The following UIMC1 variants were observed in gnomAD, a reference collection of about 807,000 sequenced individuals.
UIMC1 encodes BRCA1-A complex subunit RAP80.
A neutral mutation model predicts 84.9 loss-of-function variants in UIMC1; 42 were observed. The ratio of observed to expected loss-of-function variants is 0.49; its 90% CI spans 0.39 to 0.64. UIMC1 has a LOEUF of 0.64. UIMC1 is among the 30% of genes least tolerant of loss of function. UIMC1 has a pLI of 0.00. For missense variants in UIMC1, 825 were observed against 847.6 expected (o/e 0.97, Z 0.33); for synonymous variants, 281 against 293.0 (o/e 0.96, Z 0.42).
rs1157676106 is a variant in UIMC1 at position 176,951,382 on chromosome 5, T to C, written c.1443+92A>G. 3 of 1,006,716 alleles carry C rather than the reference T, an allele frequency of 3.0e-6. No individual in the cohort carries two copies. In the East Asian group the frequency reaches 8.5e-5, roughly 29 times the overall value. The allele number at this position is 1,006,716 out of a possible 1,614,324, so 62.4% of individuals were successfully genotyped here. On this transcript the variant is annotated intron_variant, in intron 9 of 14. Coordinates refer to ENST00000511320, the MANE Select transcript of UIMC1 (RefSeq NM_001199298.2). Reference sequence around the variant, plus strand: ...CCCAAAACTAAAACCCCCTGCCACCTAAATCTTTTCAGCCAATGTCAACGT... The same window carrying C: ...CCCAAAACTAAAACCCCCTGCCACCCAAATCTTTTCAGCCAATGTCAACGT...
At chr5:177,003,138 C>T (rs1774778711) in intron 1 of UIMC1, among the ~76,000 whole-genome samples, 2 of 152,042 alleles carry the variant, frequency 1.3e-5, no homozygotes, top group Non-Finnish European at 2.9e-5. Context: ...CCACGAAGCA[C>T]TTTATCAACT....
chr5:176,979,568 A>G (rs1298669007), intron 2 of UIMC1, among the ~76,000 whole-genome samples: 3 of 150,526 alleles, frequency 2.0e-5, no homozygotes, highest in African/African-American at 4.9e-5. Context: ...GCACCACTAC[A>G]CTCCAGCCTA....
At chr5:176,998,457 A>C in intron 1 of UIMC1, among the ~76,000 whole-genome samples, 1 of 65,148 alleles carries the variant, frequency 1.5e-5, no homozygotes, top group Non-Finnish European at 2.8e-5. Context: ...ACAGAGCAAG[A>C]CTCTGTCTCA....
intron 6 of UIMC1, among the ~76,000 whole-genome samples, chr5:176,966,310 C>T (rs1163720169): frequency 6.6e-6 from 1 of 152,150 alleles, no homozygotes; most frequent in African/African-American, 2.4e-5. Context: ...TTGTTATTCC[C>T]ACTGTATAGA....
In UIMC1 at chr5:176,998,915, T is replaced by C. The variant is rs1229493486; in HGVS notation, c.-9+7735A>G. 3.3e-5 allele frequency among the ~76,000 whole-genome samples: 5 copies of C among 152,284 alleles called. No homozygotes were observed. The East Asian group carries it at 7.7e-4, about 23-fold the overall frequency. On this transcript the variant is annotated intron_variant, in intron 1 of 14. Transcript: ENST00000511320. ...ATTTAAAAATAATGCTCAGGCTGGG[T>C]GCAGTGTCTCACGCCTGTAATTCCA...
exon 1 of UIMC1, chr5:177,022,584 G>T (rs867783317): frequency 4.0e-6 from 3 of 754,680 alleles, no homozygotes; most frequent in South Asian, 4.0e-5. Flanking sequence ...GGTACCAGAG[G>T]TAGCAAAGCA....
Position 176,947,878 on chromosome 5 carries a change from G to A in UIMC1, c.1443+3596C>T, listed in dbSNP as rs537931155. ...AAGAGGTACTTAGATACTGAATCTC[G>A]ACATCTTAAAGGTTGTTGGTCCTTA... On this transcript the variant is annotated intron_variant, in intron 9 of 14. Coordinates refer to ENST00000511320, the MANE Select transcript of UIMC1 (RefSeq NM_001199298.2). Among the ~76,000 whole-genome samples the A allele has an allele frequency of 6.6e-5, 10 of 150,378 alleles. No individual in the cohort carries two copies. In the South Asian group the frequency reaches 1.7e-3, roughly 25 times the overall value.
At position 176,906,061 on chromosome 5, in the gene UIMC1, G is replaced by A. The variant is rs763781339; in HGVS notation, c.1913-14C>T. The A allele has an allele frequency of 1.2e-6, 2 of 1,612,822 alleles. No homozygotes were observed. The highest frequency in any genetic ancestry group is 2.2e-5 in the East Asian group (1 of 44,866). On this transcript the variant is annotated splice_polypyrimidine_tract_variant and intron_variant, in intron 13 of 14. Coordinates refer to ENST00000511320, the MANE Select transcript of UIMC1 (RefSeq NM_001199298.2). Reference sequence around the variant, plus strand: ...TGATGTCTGCATCTGTGATATAAAAGAAAAAATAATAATGTTGGTAGTAGT... The same window carrying A: ...TGATGTCTGCATCTGTGATATAAAAAAAAAAATAATAATGTTGGTAGTAGT...
intron 6 of UIMC1, among the ~76,000 whole-genome samples, chr5:176,958,547 T>G (rs1766905674): frequency 6.6e-6 from 1 of 151,966 alleles, no homozygotes; most frequent in Non-Finnish European, 1.5e-5. Context: ...AGAAAAACAA[T>G]CAAAAAGTTT....
intron 10 of UIMC1, among the ~76,000 whole-genome samples, chr5:176,942,741 GT>G (rs947668223): frequency 1.8e-5 from 2 of 109,574 alleles, no homozygotes; most frequent in African/African-American, 7.5e-5. Flanking sequence ...GCGAGACTCC[GT>G]CTTAAAAAAA....
intron 1 of UIMC1, among the ~76,000 whole-genome samples, chr5:176,983,974 GA>G (rs1771497691): frequency 6.9e-6 from 1 of 145,414 alleles, no homozygotes; most frequent in African/African-American, 2.5e-5. Flanking sequence ...CGTCTGGGAG[GA>G]AGTGAGGAGC....
intron 10 of UIMC1, among the ~76,000 whole-genome samples, chr5:176,938,816 T>A (rs533335743): frequency 3.9e-5 from 6 of 152,336 alleles, no homozygotes; most frequent in African/African-American, 1.4e-4. Context: ...TTTACTTGGG[T>A]ACACAATTAT....
At chr5:176,981,144 GTTT>G (rs769202785) in intron 2 of UIMC1, among the ~76,000 whole-genome samples, 1 of 132,266 alleles carries the variant, frequency 7.6e-6, no homozygotes, top group Non-Finnish European at 1.6e-5. Flanking sequence ...TGTTTTGTTG[GTTT>G]TTTTTTTTTT....
intron 2 of UIMC1, chr5:176,980,195 C>A (rs1770793266): frequency 6.6e-6 from 1 of 152,262 alleles, no homozygotes; most frequent in South Asian, 2.1e-4. Flanking sequence ...TGCAAATAGA[C>A]TATTGTGGGG....
chr5:176,963,458 T>C (rs1006634853), intron 6 of UIMC1, among the ~76,000 whole-genome samples: 5 of 151,078 alleles, frequency 3.3e-5, no homozygotes, highest in South Asian at 2.1e-4. Flanking sequence ...GAGGTGGAGG[T>C]TGCAGTGAGC....
intron 14 of UIMC1, 163 bp downstream of exon 14, chr5:176,905,848 G>C (rs1252571794): frequency 1.4e-6 from 1 of 717,032 alleles, no homozygotes; most frequent in East Asian, 2.7e-5. Flanking sequence ...CCAATCTTTA[G>C]CTAAATGGGG....
chr5:176,972,733 C>G (rs1393552012), intron 3 of UIMC1, among the ~76,000 whole-genome samples: 1 of 151,918 alleles, frequency 6.6e-6, no homozygotes, highest in African/African-American at 2.4e-5. Flanking sequence ...AAGACTCCAT[C>G]TCAAAAAATT....
intron 10 of UIMC1, among the ~76,000 whole-genome samples, chr5:176,921,837 C>G (rs1761746150): frequency 6.6e-6 from 1 of 152,164 alleles, no homozygotes; most frequent in South Asian, 2.1e-4. Flanking sequence ...TTACATCATT[C>G]CCTCGTTCTC....
chr5:176,977,894 G>C (rs887541875), intron 2 of UIMC1, among the ~76,000 whole-genome samples: 1 of 151,814 alleles, frequency 6.6e-6, no homozygotes, highest in Non-Finnish European at 1.5e-5. Flanking sequence ...TTGGGCAACA[G>C]AGCGAGACTC....
Sources: gnomAD v4.1 joint callset for allele counts (sites outside exome capture counted in the v4.1 genomes callset) on GRCh38, gnomAD v4.1.1 for gene constraint, MANE v1.5 for transcripts, NCBI Gene and HGNC (gene_info 2026-07-23, HGNC 2026-07-21) for gene names.